Variants in SCRT2 observed in about 807,000 individuals in gnomAD.
SCRT2 encodes the protein scratch family transcriptional repressor 2, also known as transcriptional repressor scratch 2.
A neutral mutation model predicts 3.7 loss-of-function variants in SCRT2; 2 were observed. That is an observed-to-expected ratio of 0.54 (90% CI 0.22 to 1.70). SCRT2 has a LOEUF of 1.70. SCRT2 is among the 40% of genes most tolerant of loss of function. SCRT2 has a pLI of 0.19. For synonymous variants in SCRT2, 256 were observed against 220.6 expected (o/e 1.16, Z -1.42); for missense variants, 456 against 468.5 (o/e 0.97, Z 0.25).
chr20:672,316 A>T (rs1984359400), intron 1 of SCRT2, among the ~76,000 whole-genome samples: 1 of 152,012 alleles, frequency 6.6e-6, no homozygotes, highest in African/African-American at 2.4e-5. Context: ...GCACAGACAG[A>T]CTTGCTGCAC....
Position 675,664 on chromosome 20 carries a change from G to T in SCRT2, c.-63C>A, listed in dbSNP as rs1599927101. ...CGGCCGGGCGCGATCGGCTGTGTCC[G>T]CGCGGGTTTTCAGCACTGGACAGCT... On this transcript the variant is annotated 5_prime_UTR_variant, in exon 1 of 2. Transcript: ENST00000246104. This position sits in a 1 kb window ranked among gnomAD's most constrained non-coding sequence, Gnocchi z 6.9. 1.7e-6 allele frequency: 2 copies of T among 1,195,052 alleles called. No homozygotes were observed. The highest frequency in any genetic ancestry group is 7.7e-5 in the South Asian group (2 of 25,940). The allele number at this position is 1,195,052 out of a possible 1,614,324, so 74.0% of individuals were successfully genotyped here.
chr20:670,766 CTG>C (rs1387283796), intron 1 of SCRT2, among the ~76,000 whole-genome samples: 1 of 152,180 alleles, frequency 6.6e-6, no homozygotes, highest in Non-Finnish European at 1.5e-5. Flanking sequence ...CAATCAAAGA[CTG>C]AGACTATCTA....
chr20:675,079 C>G lies in SCRT2; in HGVS notation c.133+390G>C, dbSNP rs569683230. 3.0e-4 allele frequency among the ~76,000 whole-genome samples: 45 copies of G among 152,270 alleles called. 1 individual carries two copies. Among genetic ancestry groups the G allele is most frequent in the Non-Finnish European group, 5.3e-4 (36 of 68,014 alleles). On this transcript the variant is annotated intron_variant, in intron 1 of 1. Transcript: ENST00000246104. This position sits in a 1 kb window ranked among gnomAD's most constrained non-coding sequence, Gnocchi z 6.9. ...CCAGGGCTCTTTACCTTCCCCCTTC[C>G]CGGGCAGCCAGCTTCTCTTCCTCAA...
rs1408638279 is a variant in SCRT2 at position 661,768 on chromosome 20, A to G, written c.*1903T>C. 1 of 152,726 alleles carries G rather than the reference A, an allele frequency of 6.5e-6. No individual in the cohort carries two copies. Among genetic ancestry groups the G allele is most frequent in the East Asian group, 1.9e-4 (1 of 5,198 alleles). The allele number at this position is 152,726 out of a possible 1,614,324, so 9.5% of individuals were successfully genotyped here. On this transcript the variant is annotated 3_prime_UTR_variant, in exon 2 of 2. Coordinates refer to ENST00000246104, the MANE Select transcript of SCRT2 (RefSeq NM_033129.4). ...GCATGCATGGAAAATTATTGCTGTC[A>G]GAAGTTGCTATTTACAGGGTCAACG...
chr20:672,069 A>C (rs1421766740), intron 1 of SCRT2, among the ~76,000 whole-genome samples: 1 of 152,118 alleles, frequency 6.6e-6, no homozygotes, highest in Non-Finnish European at 1.5e-5. Flanking sequence ...GCAGAGGGTT[A>C]GGATGATGTA....
At position 662,127 on chromosome 20, in the gene SCRT2, C is replaced by CGGCCAACGGG. The variant is rs1244827013; in HGVS notation, c.*1534_*1543dup. The stretch of plus-strand genomic sequence containing the variant: ...AAAAGCGCAGCGGAGGAGGTAGTGG[C>CGGCCAACGGG]GGCCAACGGGCGGGTGGCTGGCAGC... On this transcript the variant is annotated 3_prime_UTR_variant, in exon 2 of 2. Coordinates refer to ENST00000246104, the MANE Select transcript of SCRT2 (RefSeq NM_033129.4). 3 of 152,910 alleles carry CGGCCAACGGG rather than the reference C, an allele frequency of 2.0e-5. No homozygotes were observed. Among genetic ancestry groups the CGGCCAACGGG allele is most frequent in the Non-Finnish European group, 4.4e-5 (3 of 68,302 alleles). 9.5% of individuals were successfully genotyped at this position (152,910 alleles called of 1,614,324 possible).
rs1983996367 is a variant in SCRT2 at position 662,674 on chromosome 20, G to A, written c.*997C>T. The stretch of plus-strand genomic sequence containing the variant: ...ACAAATAAATAACTGGAAGGACCCA[G>A]CCGGATGGGGGAAGGGCATTGGCGA... On this transcript the variant is annotated 3_prime_UTR_variant, in exon 2 of 2. Transcript: ENST00000246104. The A allele has an allele frequency of 6.5e-6, 1 of 152,684 alleles. No individual in the cohort carries two copies. The highest frequency in any genetic ancestry group is 2.4e-5 in the African/African-American group (1 of 41,440). The allele number at this position is 152,684 out of a possible 1,614,324, so 9.5% of individuals were successfully genotyped here. A position where few individuals can be genotyped will look rare whatever the true frequency, so the allele number is the denominator to read the frequency against.
chr20:672,877 C>T (rs943204263), intron 1 of SCRT2, among the ~76,000 whole-genome samples: 2 of 151,922 alleles, frequency 1.3e-5, no homozygotes, highest in Non-Finnish European at 2.9e-5. Context: ...ACACTTCCCT[C>T]AAATGCTCAG....
At chr20:674,875 C>T (rs1403646742) in intron 1 of SCRT2, among the ~76,000 whole-genome samples, 1 of 152,216 alleles carries the variant, frequency 6.6e-6, no homozygotes, top group Non-Finnish European at 1.5e-5. Context: ...CTCTTTCTTG[C>T]AGTCCCCAGG....
Position 667,017 on chromosome 20 carries a change from T to C in SCRT2, c.134-2556A>G, listed in dbSNP as rs982705634. On this transcript the variant is annotated intron_variant, in intron 1 of 1. Coordinates refer to ENST00000246104, the MANE Select transcript of SCRT2 (RefSeq NM_033129.4). This position sits in a 1 kb window ranked among gnomAD's most constrained non-coding sequence, Gnocchi z 4.4. Reference sequence around the variant, plus strand: ...GACATATTGGATAAGAGTAAAACTTTGGTGCCAGACGGCCTGGATTGTTTT... The same window carrying C: ...GACATATTGGATAAGAGTAAAACTTCGGTGCCAGACGGCCTGGATTGTTTT... Among the ~76,000 whole-genome samples the C allele has an allele frequency of 6.6e-6, 1 of 152,214 alleles. No individual in the cohort carries two copies. Among genetic ancestry groups the C allele is most frequent in the Non-Finnish European group, 1.5e-5 (1 of 68,046 alleles).
At chr20:674,206 C>G (rs1203459962) in intron 1 of SCRT2, among the ~76,000 whole-genome samples, 2 of 152,096 alleles carry the variant, frequency 1.3e-5, no homozygotes, top group East Asian at 3.9e-4. Flanking sequence ...TCTCTCTCTA[C>G]CTGGTGTGGC....
intron 1 of SCRT2, among the ~76,000 whole-genome samples, chr20:672,791 C>A (rs910797412): frequency 1.3e-5 from 2 of 149,624 alleles, no homozygotes; most frequent in Admixed American, 6.7e-5. Context: ...ATCTTCCCCC[C>A]CTCCTCTCTT....
chr20:672,901 G>A (rs1984391037), intron 1 of SCRT2, among the ~76,000 whole-genome samples: 1 of 151,968 alleles, frequency 6.6e-6, no homozygotes, highest in East Asian at 1.9e-4. Context: ...GGTTATTTCC[G>A]GCAGAGCGGA....
chr20:670,420 T>G (rs1009417416), intron 1 of SCRT2, among the ~76,000 whole-genome samples: 1 of 151,936 alleles, frequency 6.6e-6, no homozygotes, highest in African/African-American at 2.4e-5. Flanking sequence ...GACGCTTCAC[T>G]TCAGGGGAGT....
intron 1 of SCRT2, among the ~76,000 whole-genome samples, chr20:672,035 T>TG (rs1984348912): frequency 2.0e-5 from 3 of 151,938 alleles, no homozygotes; most frequent in Admixed American, 2.0e-4. Flanking sequence ...GGGGAGGGCC[T>TG]GGTGGAGTTG....
chr20:663,623 CG>C lies in SCRT2; in HGVS notation c.*47del. 7.5e-7 allele frequency: 1 copy of C among 1,332,000 alleles called. No homozygotes were observed. The allele number at this position is 1,332,000 out of a possible 1,614,324, so 82.5% of individuals were successfully genotyped here. A position where few individuals can be genotyped will look rare whatever the true frequency, so the allele number is the denominator to read the frequency against. ...GCGCTGCGGGCGCAGGTAGGGGGCC[CG>C]GGGCGCGTGGAGAGCGAGTTCCGGG... On this transcript the variant is annotated 3_prime_UTR_variant, in exon 2 of 2. Coordinates refer to ENST00000246104, the MANE Select transcript of SCRT2 (RefSeq NM_033129.4). The surrounding 1 kb of genome is among the most constrained non-coding windows in gnomAD (Gnocchi z 6.9).
At position 663,959 on chromosome 20, in the gene SCRT2, G is replaced by A. The variant is rs1186435330; in HGVS notation, c.636C>T (p.His212=). 2 of 1,610,258 alleles carry A rather than the reference G, an allele frequency of 1.2e-6. No individual in the cohort carries two copies. Among genetic ancestry groups the A allele is most frequent in the Admixed American group, 3.3e-5 (2 of 59,958 alleles). The stretch of plus-strand genomic sequence containing the variant: ...AGGCCTTGCCGCAGACGCCGCACTT[G>A]TGGCGCAGGTTGTGCGTGAGCAGGT... ...AMHLLTHNLR[H]KCGVCGKAFS... Residue 212 remains histidine, a synonymous_variant, in exon 2 of 2, where the codon CAC becomes CAT. Transcript: ENST00000246104. This position sits in a 1 kb window ranked among gnomAD's most constrained non-coding sequence, Gnocchi z 6.9.
At chr20:671,858 G>A (rs1723151223) in intron 1 of SCRT2, among the ~76,000 whole-genome samples, 1 of 152,182 alleles carries the variant, frequency 6.6e-6, no homozygotes, top group Admixed American at 6.5e-5. Context: ...GAGGAAGGGG[G>A]GCCTGGCTCC....
chr20:671,780 T>G (rs918519393), intron 1 of SCRT2, among the ~76,000 whole-genome samples: 5 of 152,134 alleles, frequency 3.3e-5, no homozygotes, highest in African/African-American at 1.2e-4. Flanking sequence ...GGATTGGCAT[T>G]GATCCCTCAT....
Sources: gnomAD v4.1 joint callset for allele counts (sites outside exome capture counted in the v4.1 genomes callset) on GRCh38, gnomAD v4.1.1 for gene constraint, Gnocchi (gnomAD v3.1) non-coding constraint, MANE v1.5 for transcripts, NCBI Gene and HGNC (gene_info 2026-07-23, HGNC 2026-07-21) for gene names.